Variants in DCP2 observed in about 807,000 individuals in gnomAD.
DCP2 encodes decapping mRNA 2.
Under a neutral mutation model 56.1 loss-of-function variants are expected in DCP2, and 30 were observed. The ratio of observed to expected loss-of-function variants is 0.53; its 90% confidence interval spans 0.40 to 0.73. The LOEUF is 0.73. Among genes scored for constraint, DCP2 ranks in the 30% least tolerant of loss-of-function variants. DCP2 has a pLI of 0.00. For synonymous variants in DCP2, 197 were observed against 163.3 expected, an observed-to-expected ratio of 1.21 and a Z score of -1.57; for missense variants, 533 against 502.7, an observed-to-expected ratio of 1.06 and a Z score of -0.58.
At chr5:113,004,169 A>C (rs1181130474) in intron 8 of DCP2, 92 bp downstream of exon 8, 1 of 1,428,284 alleles carries the variant, frequency 7.0e-7, no homozygotes, top group African/African-American at 1.4e-5. Flanking sequence ...TAATAGTTAC[A>C]GAGAGCTCTG....
At chr5:112,990,610 T>TAA (rs967185583) in intron 2 of DCP2, among the ~76,000 whole-genome samples, 4 of 149,966 alleles carry the variant, frequency 2.7e-5, no homozygotes, top group African/African-American at 4.9e-5. Flanking sequence ...GCGCTTGTCT[T>TAA]AAAAAAAAAA....
chr5:113,008,225 A>C (rs556993246), intron 9 of DCP2, 183 bp downstream of exon 9: 3 of 508,994 alleles, frequency 5.9e-6, no homozygotes, highest in South Asian at 4.0e-5. Flanking sequence ...TCTTAATTAC[A>C]AATGTATAAT....
At position 113,018,693 on chromosome 5, in the gene DCP2, G is replaced by C. The variant is rs534669040; in HGVS notation, c.*5209G>C. 1 of 152,294 alleles carries C rather than the reference G, an allele frequency of 6.6e-6. No homozygotes were observed. The highest frequency in any genetic ancestry group is 2.4e-5 in the African/African-American group (1 of 41,570). 9.4% of individuals were successfully genotyped at this position (152,294 alleles called of 1,614,324 possible). On this transcript the variant is annotated 3_prime_UTR_variant, in exon 11 of 11. Coordinates refer to ENST00000389063, the MANE Select transcript of DCP2 (RefSeq NM_152624.6). Reference sequence around the variant, plus strand: ...GGTTATTGGCTACTGTTCGTTCAGTGCCATTTGAAGACCTGTTGTTTCTTA... The same window carrying C: ...GGTTATTGGCTACTGTTCGTTCAGTCCCATTTGAAGACCTGTTGTTTCTTA...
At chr5:113,000,547 C>G (rs192210380) in intron 4 of DCP2, among the ~76,000 whole-genome samples, 3 of 151,944 alleles carry the variant, frequency 2.0e-5, no homozygotes, top group Non-Finnish European at 2.9e-5. Flanking sequence ...ATTATAAATC[C>G]AAGCCATCGA....
At chr5:113,011,347 T>C (rs1749675205) in intron 10 of DCP2, among the ~76,000 whole-genome samples, 1 of 152,252 alleles carries the variant, frequency 6.6e-6, no homozygotes, top group South Asian at 2.1e-4. Context: ...CAATTTCTCC[T>C]TCCTCGGTTA....
chr5:112,977,040 G>A, intron 1 of DCP2, 54 bp downstream of exon 1: 1 of 1,400,818 alleles, frequency 7.1e-7, no homozygotes, highest in Non-Finnish European at 9.6e-7. Context: ...CAGTTTCGCG[G>A]ACCCCCAGAG....
Position 112,992,181 on chromosome 5 carries a change from A to T in DCP2, c.266A>T (p.Glu89Val), listed in dbSNP as rs758343366. Reference protein sequence around the residue: ...QGEDVEKVLDEWKEYKMGVPT... With the variant: ...QGEDVEKVLDVWKEYKMGVPT... ...GAAGATGTGGAAAAAGTTTTGGATG[A>T]ATGGAAGGAATATAAAATGGGAGTA... The change falls in exon 3 of 11, where the codon GAA becomes GTA. Residue 89 changes from glutamate to valine, a missense_variant. By Grantham distance (121) the Glu-to-Val change is moderately radical (BLOSUM62 -2). Coordinates refer to ENST00000389063, the MANE Select transcript of DCP2 (RefSeq NM_152624.6). The T allele has an allele frequency of 4.3e-6, 7 of 1,613,954 alleles. No homozygotes were observed. The highest frequency in any genetic ancestry group is 5.9e-6 in the Non-Finnish European group (7 of 1,180,008).
intron 2 of DCP2, among the ~76,000 whole-genome samples, chr5:112,991,088 C>A (rs1237274597): frequency 6.6e-6 from 1 of 151,908 alleles, no homozygotes; most frequent in Non-Finnish European, 1.5e-5. Context: ...TTTTAATAGC[C>A]TGTAGCAATT....
chr5:113,001,579 C>A lies in DCP2; in HGVS notation c.711C>A (p.Asp237Glu). ...MAIPFIRPLRDWLSRRFGDSS... is the reference protein window; with the variant it reads ...MAIPFIRPLREWLSRRFGDSS... The stretch of plus-strand genomic sequence containing the variant: ...AATGTTTCTGCAGACCATTAAGGGA[C>A]TGGCTTTCTCGAAGATTTGGCGATT... Residue 237 changes from aspartate (D) to glutamate (E), a missense_variant, in exon 7 of 11, where the codon GAC becomes GAA. Around this residue, in one of 3 missense-constraint regions of DCP2, gnomAD observed 392 missense variants for 346.6 expected, o/e 1.13. Transcript: ENST00000389063. The A allele has an allele frequency of 6.2e-7, 1 of 1,614,138 alleles. No homozygotes were observed. Among genetic ancestry groups the A allele is most frequent in the East Asian group, 2.2e-5 (1 of 44,872 alleles).
intron 8 of DCP2, among the ~76,000 whole-genome samples, chr5:113,005,151 G>GGTGTCTGTGTGTGTGTGTGT (rs1749362368): frequency 1.3e-5 from 2 of 149,420 alleles, no homozygotes; most frequent in Admixed American, 1.3e-4. Flanking sequence ...TGTGCGTGTG[G>GGTGTCTGTGTGTGTGTGTGT]GTGTGTGTGT....
At chr5:112,984,693 A>ATATATATATAT (rs1267092599) in intron 1 of DCP2, 27 of 75,670 alleles carry the variant, frequency 3.6e-4, no homozygotes, top group African/African-American at 1.2e-3. Flanking sequence ...AATTAAAAAA[A>ATATATATATAT]AAAAAAAAAA....
At chr5:113,008,301 C>T in intron 9 of DCP2, 2 of 307,296 alleles carry the variant, frequency 6.5e-6, no homozygotes, top group South Asian at 1.1e-4. Flanking sequence ...TGTACTCAAA[C>T]CTGTTCTCTA....
At position 113,013,170 on chromosome 5, in the gene DCP2, A is replaced by G. The variant is rs1561707460; in HGVS notation, c.1100-151A>G. The G allele has an allele frequency of 6.0e-6, 4 of 667,826 alleles. No homozygotes were observed. In the South Asian group the frequency reaches 1.3e-4, roughly 21 times the overall value. 41.4% of individuals were successfully genotyped at this position (667,826 alleles called of 1,614,324 possible). A position where few individuals can be genotyped will look rare whatever the true frequency, so the allele number is the denominator to read the frequency against. On this transcript the variant is annotated intron_variant, in intron 10 of 10. Transcript: ENST00000389063. ...TTGACCACCAGTTTATGGAAAGGAA[A>G]ATACATATTTTGGTGGTTCTGTTTA...
intron 4 of DCP2, among the ~76,000 whole-genome samples, chr5:113,000,412 A>ACG (rs1382816704): frequency 4.7e-5 from 5 of 105,348 alleles, no homozygotes; most frequent in Non-Finnish European, 1.0e-4. Flanking sequence ...ACACACACAC[A>ACG]CACACACACA....
At chr5:112,985,151 A>T (rs1413490090) in intron 1 of DCP2, among the ~76,000 whole-genome samples, 1 of 152,164 alleles carries the variant, frequency 6.6e-6, no homozygotes, top group Non-Finnish European at 1.5e-5. Context: ...TACAACATTG[A>T]CTTAGATTGA....
At chr5:113,008,127 C>A in intron 9 of DCP2, 85 bp downstream of exon 9, 2 of 1,148,134 alleles carry the variant, frequency 1.7e-6, no homozygotes, top group Admixed American at 2.2e-5. Flanking sequence ...AGGAATGTTA[C>A]TTGTTTTGTT....
In DCP2 at chr5:113,019,317, G is replaced by A. The variant is rs1169895314; in HGVS notation, c.*5833G>A. 1.3e-5 allele frequency: 2 copies of A among 152,222 alleles called. No homozygotes were observed. The highest frequency in any genetic ancestry group is 4.8e-5 in the African/African-American group (2 of 41,454). 9.4% of individuals were successfully genotyped at this position (152,222 alleles called of 1,614,324 possible). A position where few individuals can be genotyped will look rare whatever the true frequency, so the allele number is the denominator to read the frequency against. On this transcript the variant is annotated 3_prime_UTR_variant, in exon 11 of 11. Coordinates refer to ENST00000389063, the MANE Select transcript of DCP2 (RefSeq NM_152624.6). ...AGCAGTTGGTTGATTAGATGGGTTA[G>A]TGCTTTTGGAATATATAACAGTAGA... is the stretch of plus-strand genomic sequence containing the variant.
In DCP2 at chr5:113,014,541, T is replaced by C. The variant is rs984811583; in HGVS notation, c.*1057T>C. 2 of 152,800 alleles carry C rather than the reference T, an allele frequency of 1.3e-5. No homozygotes were observed. Among genetic ancestry groups the C allele is most frequent in the Admixed American group, 6.5e-5 (1 of 15,310 alleles). The allele number at this position is 152,800 out of a possible 1,614,324, so 9.5% of individuals were successfully genotyped here. On this transcript the variant is annotated 3_prime_UTR_variant, in exon 11 of 11. Coordinates refer to ENST00000389063, the MANE Select transcript of DCP2 (RefSeq NM_152624.6). Reference sequence around the variant, plus strand: ...AAGCATTTCACTAGGTTACACGTTATGTATATGTGTTACATAACAGTAACA... The same window carrying C: ...AAGCATTTCACTAGGTTACACGTTACGTATATGTGTTACATAACAGTAACA...
intron 1 of DCP2, among the ~76,000 whole-genome samples, chr5:112,983,317 C>T (rs763553932): frequency 8.5e-5 from 13 of 152,180 alleles, no homozygotes; most frequent in African/African-American, 2.7e-4. Context: ...ACGGTTGCCT[C>T]TGACAGTTAA....
Sources: allele counts gnomAD v4.1 joint callset (sites outside exome capture counted in the v4.1 genomes callset), GRCh38; gene constraint gnomAD v4.1.1; regional missense constraint gnomAD v4.1.1; transcripts MANE v1.5; gene names NCBI Gene and HGNC (gene_info 2026-07-23, HGNC 2026-07-21).